Variants in FGF13 observed in about 807,000 individuals in gnomAD.
The protein encoded by FGF13 is fibroblast growth factor 13.
FGF13 carries 2 observed loss-of-function variants against 19.5 expected under a neutral mutation model. That is an observed-to-expected ratio of 0.10 (90% CI 0.04 to 0.32). The LOEUF (loss-of-function observed/expected upper bound fraction) is 0.32, where lower values mean the gene tolerates loss of function less well. Ranked by LOEUF, FGF13 falls within the 10% of genes least tolerant of loss-of-function variation. The probability of loss-of-function intolerance (pLI) is 1.00; values close to 1 mark genes in which losing one functional copy is unlikely to be tolerated. For missense variants in FGF13, 113 were observed against 192.7 expected, an observed-to-expected ratio of 0.59 and a Z score of 2.45; for synonymous variants, 72 against 76.9, an observed-to-expected ratio of 0.94 and a Z score of 0.33.
intron 3 of FGF13, among the ~76,000 whole-genome samples, chrX:138,752,401 G>A (rs2090404463): frequency 9.0e-6 from 1 of 110,914 alleles, no homozygotes. Flanking sequence ...ACTCCAGCCT[G>A]TGCAACAGAG....
intron 1 of FGF13, among the ~76,000 whole-genome samples, chrX:138,962,047 G>A (rs2091873682): frequency 1.8e-5 from 2 of 111,966 alleles, no homozygotes; most frequent in Non-Finnish European, 3.8e-5. Context: ...TACCATCAGA[G>A]TGAATAGGCA....
Position 138,625,593 on chromosome X carries a change from G to A in FGF13, c.*7257C>T, listed in dbSNP as rs1211027429. On this transcript the variant is annotated 3_prime_UTR_variant, in exon 5 of 5. Coordinates refer to ENST00000315930, the MANE Select transcript of FGF13 (RefSeq NM_004114.5). ...AAACATGGATGAAACTTCAGAGCAC[G>A]TTGAAATAAGCAAACTAAGTGAAAT... 2 of 99,775 alleles carry A rather than the reference G, an allele frequency of 2.0e-5. No homozygotes were observed. Among genetic ancestry groups the A allele is most frequent in the Admixed American group, 1.2e-4 (1 of 8,555 alleles). 8.2% of individuals were successfully genotyped at this position (99,775 alleles called of 1,213,427 possible).
At chrX:138,843,328 T>C (rs942941631) in intron 3 of FGF13, among the ~76,000 whole-genome samples, 2 of 112,115 alleles carry the variant, frequency 1.8e-5, no homozygotes, top group African/African-American at 3.2e-5. Context: ...ATCAAAGGGG[T>C]TCACAAGCTC....
chrX:138,677,148 C>G (rs183400379), intron 3 of FGF13, among the ~76,000 whole-genome samples: 1 of 111,921 alleles, frequency 8.9e-6, no homozygotes, highest in African/African-American at 3.2e-5. Flanking sequence ...TTCTGTAAAA[C>G]AGACCATCAG....
At chrX:139,002,158 G>C (rs1463100481) in intron 1 of FGF13, among the ~76,000 whole-genome samples, 1 of 110,572 alleles carries the variant, frequency 9.0e-6, no homozygotes, top group Non-Finnish European at 1.9e-5. Flanking sequence ...CATGGACACA[G>C]GGAGGGGAAC....
chrX:138,852,959 A>T (rs1269349216), downstream of FGF13, among the ~76,000 whole-genome samples: 2 of 111,532 alleles, frequency 1.8e-5, no homozygotes, highest in Non-Finnish European at 3.8e-5. Context: ...TTAGAAAAAA[A>T]AAAGCTCATT....
chrX:138,643,047 C>T (rs1298732662), intron 3 of FGF13, among the ~76,000 whole-genome samples: 1 of 111,790 alleles, frequency 8.9e-6, no homozygotes, highest in Non-Finnish European at 1.9e-5. Flanking sequence ...TATGTTGGCC[C>T]CACAAAATAT....
intron 3 of FGF13, among the ~76,000 whole-genome samples, chrX:138,808,223 G>C (rs1464281451): frequency 8.9e-6 from 1 of 111,900 alleles, no homozygotes; most frequent in African/African-American, 3.3e-5. Flanking sequence ...TAAAAGAACA[G>C]AAATTATAAC....
intron 3 of FGF13, among the ~76,000 whole-genome samples, chrX:138,768,243 T>G (rs59314594): frequency 0.016 from 1,786 of 112,360 alleles, 24 homozygotes; most frequent in African/African-American, 0.054. Context: ...CTAAAAATAT[T>G]CTTCCCTCTA....
intron 1 of FGF13, among the ~76,000 whole-genome samples, chrX:139,131,388 T>A (rs1031934213): frequency 1.6e-5 from 1 of 61,101 alleles, no homozygotes; most frequent in African/African-American, 1.0e-4. Context: ...GAGGGGTGTG[T>A]GTGTGTGTGT....
intron 1 of FGF13, among the ~76,000 whole-genome samples, chrX:138,955,410 T>C (rs1422362551): frequency 1.8e-5 from 2 of 112,171 alleles, no homozygotes; most frequent in East Asian, 2.8e-4. Context: ...CTGATGAAGA[T>C]AGGCAAAATA....
chrX:139,005,265 G>A (rs1461722338), intron 1 of FGF13, among the ~76,000 whole-genome samples: 1 of 100,809 alleles, frequency 9.9e-6, no homozygotes, highest in Non-Finnish European at 2.0e-5. Flanking sequence ...AAGAAATAAG[G>A]GAAGAGAACA....
chrX:138,664,381 G>T (rs2089519515), intron 3 of FGF13, among the ~76,000 whole-genome samples: 1 of 111,359 alleles, frequency 9.0e-6, no homozygotes, highest in African/African-American at 3.3e-5. Flanking sequence ...AGTCAGGTCG[G>T]AAATGTTATA....
chrX:138,643,763 A>G (rs1280603004), intron 3 of FGF13, among the ~76,000 whole-genome samples: 2 of 109,632 alleles, frequency 1.8e-5, no homozygotes, highest in African/African-American at 6.7e-5. Flanking sequence ...CCCCTAAAAA[A>G]CCCCCTATTA....
intron 3 of FGF13, among the ~76,000 whole-genome samples, chrX:138,781,415 A>C (rs761989512): frequency 1.8e-5 from 2 of 110,480 alleles, no homozygotes; most frequent in African/African-American, 6.6e-5. Flanking sequence ...TTGATAGACC[A>C]CTAGCAAGAC....
intron 3 of FGF13, among the ~76,000 whole-genome samples, chrX:138,769,698 T>A (rs2124341551): frequency 8.9e-6 from 1 of 112,072 alleles, no homozygotes; most frequent in East Asian, 2.8e-4. Flanking sequence ...TATAGAACAA[T>A]CTGAACGTGT....
At chrX:138,815,992 C>T (rs183216060) in intron 3 of FGF13, among the ~76,000 whole-genome samples, 301 of 110,275 alleles carry the variant, frequency 2.7e-3, no homozygotes, top group Non-Finnish European at 4.5e-3. Flanking sequence ...AAACCTAATG[C>T]ATGCCCAAAA....
chrX:138,913,723 C>T (rs1295809156), intron 1 of FGF13, among the ~76,000 whole-genome samples: 4 of 107,295 alleles, frequency 3.7e-5, no homozygotes, highest in South Asian at 4.3e-4. Flanking sequence ...ACTATCAGGG[C>T]GAACAAGGAG....
At chrX:138,731,739 G>T (rs2090233398) in intron 1 of FGF13, among the ~76,000 whole-genome samples, 1 of 110,204 alleles carries the variant, frequency 9.1e-6, no homozygotes, top group Non-Finnish European at 1.9e-5. Flanking sequence ...GCCAAAAGTT[G>T]GTTCTTTGAA....
Sources: gnomAD v4.1 joint callset for allele counts (sites outside exome capture counted in the v4.1 genomes callset) on GRCh38, gnomAD v4.1.1 for gene constraint, MANE v1.5 for transcripts, NCBI Gene and HGNC (gene_info 2026-07-23, HGNC 2026-07-21) for gene names.